EPS15: variants seen among roughly 807,000 people sequenced by gnomAD.
The protein encoded by EPS15 is epidermal growth factor receptor substrate 15.
Under a neutral mutation model 113.8 loss-of-function variants are expected in EPS15, and 72 were observed. The ratio of observed to expected loss-of-function variants is 0.63; its 90% CI spans 0.52 to 0.77. The LOEUF (loss-of-function observed/expected upper bound fraction) is 0.77. EPS15 is among the 30% of genes least tolerant of loss of function. EPS15 has a pLI of 0.00. For missense variants in EPS15, 1,048 were observed against 1,045.8 expected (o/e 1.00, Z -0.03); for synonymous variants, 344 against 363.4 (o/e 0.95, Z 0.61).
chr1:51,418,290 G>A (rs1557449340), intron 13 of EPS15, among the ~76,000 whole-genome samples: 1 of 152,064 alleles, frequency 6.6e-6, no homozygotes, highest in Non-Finnish European at 1.5e-5. Context: ...CACACAATCT[G>A]TCTGTCCATC....
chr1:51,431,425 T>C (rs1339420502), intron 12 of EPS15, among the ~76,000 whole-genome samples: 1 of 152,014 alleles, frequency 6.6e-6, no homozygotes, highest in African/African-American at 2.4e-5. Flanking sequence ...GATGGTTCAT[T>C]TTACAAAGGT....
chr1:51,381,351 G>A (rs370443635), intron 21 of EPS15, among the ~76,000 whole-genome samples: 2 of 152,172 alleles, frequency 1.3e-5, no homozygotes, highest in African/African-American at 2.4e-5. Flanking sequence ...CCAACACTTT[G>A]GGAGGCCGAG....
At chr1:51,414,800 G>C (rs1650059432) in intron 13 of EPS15, among the ~76,000 whole-genome samples, 1 of 152,080 alleles carries the variant, frequency 6.6e-6, no homozygotes. Flanking sequence ...AAAATGTCTA[G>C]GACATGATAC....
chr1:51,444,770 T>A lies in EPS15; in HGVS notation c.954+119A>T, dbSNP rs149953856. 408 of 989,886 alleles carry A rather than the reference T, an allele frequency of 4.1e-4. 4 individuals are homozygous for A. In the African/African-American group the frequency reaches 5.9e-3, roughly 14 times the overall value. The allele number at this position is 989,886 out of a possible 1,614,324, so 61.3% of individuals were successfully genotyped here. On this transcript the variant is annotated intron_variant, in intron 11 of 24. Transcript: ENST00000371733. ...ACAAACTAAACCACAAACAGTATAC[T>A]GTTCTGCTCTTAGCCAGATACATTT...
At chr1:51,383,672 G>T (rs1034868215) in intron 21 of EPS15, among the ~76,000 whole-genome samples, 2 of 152,142 alleles carry the variant, frequency 1.3e-5, no homozygotes, top group Non-Finnish European at 2.9e-5. Context: ...TTCCTAACAG[G>T]CCACAGACTG....
intron 1 of EPS15, among the ~76,000 whole-genome samples, chr1:51,489,270 G>A (rs1413714322): frequency 6.9e-6 from 1 of 145,564 alleles, no homozygotes; most frequent in Admixed American, 6.9e-5. Context: ...TTTTTACAAA[G>A]TATAGCCTAG....
At chr1:51,509,530 TA>T in intron 1 of EPS15, among the ~76,000 whole-genome samples, 1 of 152,298 alleles carries the variant, frequency 6.6e-6, no homozygotes, top group East Asian at 1.9e-4. Flanking sequence ...TTTTAGTCAA[TA>T]AAAGTCTATT....
intron 22 of EPS15, 120 bp from the exon 23 acceptor site, chr1:51,364,148 T>C (rs551312487): frequency 4.3e-5 from 34 of 797,674 alleles, no homozygotes; most frequent in Non-Finnish European, 5.7e-5. Context: ...CTGAGAACAC[T>C]GAAATTTTAA....
At chr1:51,437,765 C>T (rs1376102275) in intron 12 of EPS15, among the ~76,000 whole-genome samples, 1 of 152,040 alleles carries the variant, frequency 6.6e-6, no homozygotes, top group African/African-American at 2.4e-5. Flanking sequence ...TTACAGGCAT[C>T]AGCTATCGCG....
At chr1:51,377,410 A>T (rs751447325) in intron 21 of EPS15, among the ~76,000 whole-genome samples, 1 of 152,214 alleles carries the variant, frequency 6.6e-6, no homozygotes, top group African/African-American at 2.4e-5. Flanking sequence ...CAGACGTGGT[A>T]CAAATTAGTA....
At chr1:51,428,826 CAAAAAA>C (rs902706524) in intron 12 of EPS15, among the ~76,000 whole-genome samples, 7 of 53,846 alleles carry the variant, frequency 1.3e-4, no homozygotes, top group Non-Finnish European at 2.1e-4. Context: ...GACTCCATCT[CAAAAAA>C]AAAAAAAAAA....
chr1:51,489,889 A>G (rs1315708041), intron 1 of EPS15, among the ~76,000 whole-genome samples: 1 of 152,184 alleles, frequency 6.6e-6, no homozygotes, highest in Non-Finnish European at 1.5e-5. Context: ...CGGATCCTCA[A>G]ATGAGAAAGA....
intron 13 of EPS15, among the ~76,000 whole-genome samples, chr1:51,417,729 G>A (rs1196887602): frequency 6.6e-6 from 1 of 152,182 alleles, no homozygotes; most frequent in Non-Finnish European, 1.5e-5. Flanking sequence ...GGCATGAGTG[G>A]AATTCACATA....
intron 21 of EPS15, among the ~76,000 whole-genome samples, chr1:51,391,941 TA>T (rs766901051): frequency 5.0e-4 from 76 of 152,192 alleles, no homozygotes; most frequent in Non-Finnish European, 7.1e-4. Flanking sequence ...GCCAAATAAA[TA>T]GCTGGAAAAA....
intron 8 of EPS15, among the ~76,000 whole-genome samples, chr1:51,456,854 A>G (rs1484012445): frequency 6.6e-6 from 1 of 152,238 alleles, no homozygotes; most frequent in African/African-American, 2.4e-5. Flanking sequence ...TTTATCAGAC[A>G]AATTCTAACC....
At chr1:51,394,324 A>G in intron 21 of EPS15, 57 bp downstream of exon 21, 1 of 1,116,682 alleles carries the variant, frequency 9.0e-7, no homozygotes. Flanking sequence ...GACAAAGAAA[A>G]AAGAATCTTA....
chr1:51,508,315 AG>A, intron 1 of EPS15, among the ~76,000 whole-genome samples: 2 of 123,034 alleles, frequency 1.6e-5, no homozygotes, highest in Non-Finnish European at 1.8e-5. Flanking sequence ...AGAGAGAAAG[AG>A]AGAAAGAGAG....
At chr1:51,508,995 T>A (rs891532379) in intron 1 of EPS15, among the ~76,000 whole-genome samples, 1 of 152,220 alleles carries the variant, frequency 6.6e-6, no homozygotes, top group Non-Finnish European at 1.5e-5. Context: ...AAAAGTTTCA[T>A]CATAATCACA....
intron 21 of EPS15, among the ~76,000 whole-genome samples, chr1:51,367,134 G>A (rs1490512514): frequency 6.6e-6 from 1 of 152,210 alleles, no homozygotes; most frequent in Non-Finnish European, 1.5e-5. Flanking sequence ...TGGAAACGGA[G>A]CAAAGAAGCC....
Sources: gnomAD v4.1 joint callset for allele counts (sites outside exome capture counted in the v4.1 genomes callset) on GRCh38, gnomAD v4.1.1 for gene constraint, MANE v1.5 for transcripts, NCBI Gene and HGNC (gene_info 2026-07-23, HGNC 2026-07-21) for gene names.